ABCA1: variants seen among roughly 807,000 people sequenced by gnomAD.
ABCA1 encodes the protein ATP binding cassette subfamily A member 1, also known as phospholipid-transporting ATPase ABCA1.
Under a neutral mutation model 262.5 loss-of-function variants are expected in ABCA1, and 133 were observed. That is an observed-to-expected ratio of 0.51 (90% confidence interval 0.44 to 0.59). The LOEUF is 0.59. ABCA1 is among the 20% of genes least tolerant of loss of function. The probability of loss-of-function intolerance (pLI) is 0.00; values close to 1 mark genes in which losing one functional copy is unlikely to be tolerated. For synonymous variants in ABCA1, 1,022 were observed against 1,043.5 expected (o/e 0.98, Z 0.40); for missense variants, 2,452 against 2,777.5 (o/e 0.88, Z 2.63).
At chr9:104,898,666 A>G (rs1384065743) in intron 2 of ABCA1, among the ~76,000 whole-genome samples, 1 of 152,086 alleles carries the variant, frequency 6.6e-6, no homozygotes, top group Non-Finnish European at 1.5e-5. Flanking sequence ...CTACCAACTC[A>G]TCCCCCGCCA....
At chr9:104,794,272 G>A (rs1829677932) in intron 40 of ABCA1, 115 bp downstream of exon 40, 4 of 1,510,330 alleles carry the variant, frequency 2.6e-6, no homozygotes, top group Non-Finnish European at 9.1e-7. Context: ...GCATGGGGGT[G>A]GGGGAACATC....
chr9:104,905,591 C>A (rs948675443), intron 1 of ABCA1, among the ~76,000 whole-genome samples: 1 of 152,198 alleles, frequency 6.6e-6, no homozygotes, highest in East Asian at 1.9e-4. Flanking sequence ...AGAGTTAAAC[C>A]AGCACTGCAT....
intron 7 of ABCA1, among the ~76,000 whole-genome samples, chr9:104,850,985 A>G (rs752039758): frequency 4.6e-5 from 7 of 152,238 alleles, no homozygotes; most frequent in Non-Finnish European, 8.8e-5. Context: ...TTTTCAGATC[A>G]TAACTGTAAT....
At chr9:104,868,231 T>C (rs139665032) in intron 5 of ABCA1, among the ~76,000 whole-genome samples, 1,561 of 152,224 alleles carry the variant, frequency 0.01, 27 homozygotes, top group African/African-American at 0.036. Context: ...TGGTGGCGCA[T>C]GCCTGTAATC....
chr9:104,814,027 G>T, intron 27 of ABCA1, 91 bp downstream of exon 27: 2 of 1,335,034 alleles, frequency 1.5e-6, no homozygotes, highest in Non-Finnish European at 2.1e-6. Context: ...TATCACCTTG[G>T]CTAAAGGCCA....
chr9:104,819,879 G>A, intron 21 of ABCA1, 48 bp downstream of exon 21: 2 of 1,609,202 alleles, frequency 1.2e-6, no homozygotes, highest in Non-Finnish European at 1.7e-6. Flanking sequence ...CATGTGTGTA[G>A]CCGGAGGAGG....
chr9:104,904,396 C>CG (rs1840928721), intron 1 of ABCA1, among the ~76,000 whole-genome samples: 1 of 151,472 alleles, frequency 6.6e-6, no homozygotes, highest in South Asian at 2.1e-4. Context: ...GGTGAAACCC[C>CG]GTCTCTACTA....
intron 1 of ABCA1, among the ~76,000 whole-genome samples, chr9:104,916,912 G>A (rs750819306): frequency 6.6e-6 from 1 of 152,146 alleles, no homozygotes; most frequent in Non-Finnish European, 1.5e-5. Flanking sequence ...AACTGTTTGG[G>A]ACTTGGGTAT....
Position 104,814,484 on chromosome 9 carries a change from TGA to T in ABCA1, c.3739-11_3739-10del. The T allele has an allele frequency of 1.2e-6, 2 of 1,613,552 alleles. No individual in the cohort carries two copies. The highest frequency in any genetic ancestry group is 1.7e-6 in the Non-Finnish European group (2 of 1,179,676). On this transcript the variant is annotated splice_polypyrimidine_tract_variant and intron_variant, in intron 25 of 49. Coordinates refer to ENST00000374736, the MANE Select transcript of ABCA1 (RefSeq NM_005502.4). ...GCCACCTTGAGGAATATCTGGAAAA[TGA>T]GAGAGATGAGAACATTATAAGCACC...
In ABCA1 at chr9:104,795,969, G is replaced by A. The variant is rs1829860956; in HGVS notation, c.5382+84C>T. Reference sequence around the variant, plus strand: ...TCAGCAGTGTCAATACCACTGACAAGTGGAATAAGATCACAATTAAACACT... The same window carrying A: ...TCAGCAGTGTCAATACCACTGACAAATGGAATAAGATCACAATTAAACACT... On this transcript the variant is annotated intron_variant, in intron 39 of 49. Transcript: ENST00000374736. 5 of 1,586,090 alleles carry A rather than the reference G, an allele frequency of 3.2e-6. No individual in the cohort carries two copies. In the East Asian group the frequency reaches 1.1e-4, roughly 35 times the overall value.
intron 5 of ABCA1, among the ~76,000 whole-genome samples, chr9:104,869,500 A>AT (rs1837407626): frequency 1.3e-5 from 2 of 152,088 alleles, no homozygotes; most frequent in Admixed American, 6.6e-5. Flanking sequence ...TCTTTATGGT[A>AT]TTTTTTTGGT....
Position 104,821,400 on chromosome 9 carries a change from G to A in ABCA1, c.2935C>T (p.Pro979Ser). 1 of 1,614,150 alleles carries A rather than the reference G, an allele frequency of 6.2e-7. No homozygotes were observed. The highest frequency in any genetic ancestry group is 8.5e-7 in the Non-Finnish European group (1 of 1,180,044). ...STIRQNLGVC[P>S]QHNVLFDMLT... ...ATGTCAAACAGCACGTTATGCTGGG[G>A]ACAGACCCCCAGGTTCTGCCGGATG... Residue 979 changes from proline to serine, a missense_variant, in exon 20 of 50, where the codon CCC becomes TCC. By Grantham distance (74) the Pro-to-Ser change is moderately conservative. Coordinates refer to ENST00000374736, the MANE Select transcript of ABCA1 (RefSeq NM_005502.4).
At position 104,794,350 on chromosome 9, in the gene ABCA1, C is replaced by G. The variant is rs774993392; in HGVS notation, c.5506+37G>C. The G allele has an allele frequency of 1.1e-5, 17 of 1,613,802 alleles. No individual in the cohort carries two copies. The South Asian group carries it at 1.8e-4, about 17-fold the overall frequency. On this transcript the variant is annotated intron_variant, in intron 40 of 49. Coordinates refer to ENST00000374736, the MANE Select transcript of ABCA1 (RefSeq NM_005502.4). ...TACCAAGGCCTATGCAGAGTGCCAT[C>G]TCCATTAAAGCATCCTACAGCCACT...
intron 48 of ABCA1, among the ~76,000 whole-genome samples, chr9:104,786,057 G>C (rs1187357434): frequency 6.6e-6 from 1 of 152,198 alleles, no homozygotes; most frequent in Non-Finnish European, 1.5e-5. Flanking sequence ...CTAGGAGGTA[G>C]ATCTTCCAGG....
intron 15 of ABCA1, among the ~76,000 whole-genome samples, chr9:104,828,261 T>C (rs1832966716): frequency 1.3e-5 from 2 of 152,088 alleles, no homozygotes; most frequent in Admixed American, 6.5e-5. Context: ...CATCCAGTGA[T>C]TGATTGAGAG....
intron 5 of ABCA1, among the ~76,000 whole-genome samples, chr9:104,867,611 T>C (rs1346763868): frequency 6.6e-6 from 1 of 152,228 alleles, no homozygotes; most frequent in Non-Finnish European, 1.5e-5. Context: ...TATTGAGTTC[T>C]TTCTGCTGAT....
chr9:104,877,510 G>C (rs1032644637), intron 5 of ABCA1, among the ~76,000 whole-genome samples: 1 of 152,254 alleles, frequency 6.6e-6, no homozygotes, highest in African/African-American at 2.4e-5. Flanking sequence ...GCATTTTCTG[G>C]TTGTTTCACC....
intron 1 of ABCA1, among the ~76,000 whole-genome samples, chr9:104,913,786 ATT>A (rs914491489): frequency 1.3e-4 from 20 of 150,068 alleles, no homozygotes; most frequent in Admixed American, 2.7e-4. Context: ...TTTTTATTTT[ATT>A]TTATTTATTT....
At chr9:104,839,479 A>G (rs1834168570) in intron 9 of ABCA1, among the ~76,000 whole-genome samples, 1 of 152,234 alleles carries the variant, frequency 6.6e-6, no homozygotes, top group Non-Finnish European at 1.5e-5. Context: ...TAACTTAAAC[A>G]GAATGCACAG....
Sources: allele counts gnomAD v4.1 joint callset (sites outside exome capture counted in the v4.1 genomes callset), GRCh38; gene constraint gnomAD v4.1.1; transcripts MANE v1.5; gene names NCBI Gene and HGNC (gene_info 2026-07-23, HGNC 2026-07-21).